Variants in IL6R observed in about 807,000 individuals in gnomAD.
IL6R encodes interleukin 6 receptor.
IL6R carries 38 observed loss-of-function variants against 48.3 expected under a neutral mutation model. The observed-to-expected ratio is 0.79, with a 90% CI of 0.61 to 1.03. The LOEUF is 1.03. Ranked by LOEUF, IL6R falls within the 50% of genes least tolerant of loss-of-function variation. The pLI is 0.00. For synonymous variants in IL6R, 264 were observed against 256.2 expected (o/e 1.03, Z -0.29); for missense variants, 534 against 618.3 (o/e 0.86, Z 1.45).
At chr1:154,433,864 C>T (rs1188226019) in intron 3 of IL6R, among the ~76,000 whole-genome samples, 2 of 152,074 alleles carry the variant, frequency 1.3e-5, no homozygotes, top group South Asian at 4.1e-4. Flanking sequence ...TACAGGCATG[C>T]GCCACCACGC....
intron 1 of IL6R, chr1:154,415,110 C>T: frequency 2.6e-6 from 3 of 1,152,634 alleles, no homozygotes; most frequent in East Asian, 2.5e-5. Flanking sequence ...TTTACGGTTC[C>T]ACTCGCCCTT....
In IL6R at chr1:154,467,330, TATC is replaced by T. The variant is rs1252452889; in HGVS notation, c.*1952_*1954del. 1.3e-5 allele frequency: 2 copies of T among 152,216 alleles called. No individual in the cohort carries two copies. Among genetic ancestry groups the T allele is most frequent in the Admixed American group, 6.5e-5 (1 of 15,280 alleles). 9.4% of individuals were successfully genotyped at this position (152,216 alleles called of 1,614,324 possible). ...GTGGTTACCCAGTTAGCTCTCAAGT[TATC>T]AGGGTATTCCAGAGTGGGGATATGA... On this transcript the variant is annotated 3_prime_UTR_variant, in exon 10 of 10. Coordinates refer to ENST00000368485, the MANE Select transcript of IL6R (RefSeq NM_000565.4).
At chr1:154,438,004 G>A (rs959187093) in intron 6 of IL6R, among the ~76,000 whole-genome samples, 12 of 151,858 alleles carry the variant, frequency 7.9e-5, no homozygotes, top group Admixed American at 4.6e-4. Context: ...GTGAGCCACC[G>A]CGCCTGGCCT....
chr1:154,431,959 C>T (rs1022715407), intron 3 of IL6R, among the ~76,000 whole-genome samples: 1 of 152,044 alleles, frequency 6.6e-6, no homozygotes, highest in Non-Finnish European at 1.5e-5. Context: ...ATTTTTGGAC[C>T]GCAGTTGACC....
At chr1:154,451,827 C>A (rs182319653) in intron 8 of IL6R, among the ~76,000 whole-genome samples, 3 of 152,046 alleles carry the variant, frequency 2.0e-5, no homozygotes, top group Non-Finnish European at 4.4e-5. Flanking sequence ...TGAGCCACCG[C>A]GCCTGGCCAG....
At chr1:154,430,457 T>C in intron 2 of IL6R, 26 bp from the exon 3 acceptor site, 1 of 1,610,488 alleles carries the variant, frequency 6.2e-7, no homozygotes. Flanking sequence ...GCCCGCCTGC[T>C]GACACCTGCA....
In IL6R at chr1:154,405,533, G is replaced by GC; in HGVS notation, c.-94dup. 1.2e-4 allele frequency: 5 copies of GC among 42,450 alleles called. No homozygotes were observed. The highest frequency in any genetic ancestry group is 3.9e-4 in the South Asian group (2 of 5,184). 2.6% of individuals were successfully genotyped at this position (42,450 alleles called of 1,614,324 possible). A position where few individuals can be genotyped will look rare whatever the true frequency, so the allele number is the denominator to read the frequency against. On this transcript the variant is annotated 5_prime_UTR_variant, in exon 1 of 10. Coordinates refer to ENST00000368485, the MANE Select transcript of IL6R (RefSeq NM_000565.4). The surrounding 1 kb of genome is among the most constrained non-coding windows in gnomAD (Gnocchi z 5.2). ...CCCCGGGGCCTGAGCCCGCCTGCCC[G>GC]CCCACCGCCCCGCCCCGCCCCTGCC...
intron 1 of IL6R, among the ~76,000 whole-genome samples, chr1:154,419,102 G>A (rs994350887): frequency 6.6e-6 from 1 of 152,158 alleles, no homozygotes; most frequent in Admixed American, 6.5e-5. Context: ...GTCCAGCGTG[G>A]ATTCCCTCAT....
intron 1 of IL6R, among the ~76,000 whole-genome samples, chr1:154,416,916 C>A (rs916441789): frequency 2.0e-5 from 3 of 152,138 alleles, no homozygotes; most frequent in African/African-American, 7.2e-5. Context: ...CCTGAAATCC[C>A]CCTATGCACA....
chr1:154,430,937 C>A (rs1293495205), intron 3 of IL6R, among the ~76,000 whole-genome samples: 1 of 152,152 alleles, frequency 6.6e-6, no homozygotes, highest in Non-Finnish European at 1.5e-5. Flanking sequence ...TAGTAAGTGG[C>A]TCTGCTGGGA....
At chr1:154,437,479 T>C in intron 6 of IL6R, 1 of 447,090 alleles carries the variant, frequency 2.2e-6, no homozygotes, top group East Asian at 7.0e-5. Context: ...AGCAGTGCAA[T>C]CACAGCTCAC....
At chr1:154,447,563 A>G (rs1244701967) in intron 6 of IL6R, among the ~76,000 whole-genome samples, 1 of 147,588 alleles carries the variant, frequency 6.8e-6, no homozygotes, top group Non-Finnish European at 1.5e-5. Flanking sequence ...ACACATATAT[A>G]TATATACACA....
At position 154,405,674 on chromosome 1, in the gene IL6R, G is replaced by A; in HGVS notation, c.45G>A (p.Ala15=). 2.6e-6 allele frequency: 4 copies of A among 1,529,140 alleles called. No homozygotes were observed. The highest frequency in any genetic ancestry group is 2.5e-5 in the East Asian group (1 of 40,148). 94.7% of individuals were successfully genotyped at this position (1,529,140 alleles called of 1,614,324 possible). ...GCALLAALLA[A]PGAALAPRRC... ...CGCTGCTGGCTGCCCTGCTGGCCGC[G>A]CCGGGAGCGGCGCTGGCCCCAAGGC... Residue 15 remains alanine (A), a synonymous_variant, in exon 1 of 10, where the codon GCG becomes GCA. Coordinates refer to ENST00000368485, the MANE Select transcript of IL6R (RefSeq NM_000565.4). This position sits in a 1 kb window ranked among gnomAD's most constrained non-coding sequence, Gnocchi z 5.2.
At chr1:154,444,069 T>A (rs1690076261) in intron 6 of IL6R, among the ~76,000 whole-genome samples, 1 of 152,126 alleles carries the variant, frequency 6.6e-6, no homozygotes, top group African/African-American at 2.4e-5. Flanking sequence ...CGTGCCCCTC[T>A]CCACGACCCT....
rs777943478 is a variant in IL6R at position 154,436,076 on chromosome 1, G to A, written c.915G>A (p.Glu305=). The change falls in exon 6 of 10, where the codon GAG becomes GAA. Residue 305 remains glutamate, a synonymous_variant. Coordinates refer to ENST00000368485, the MANE Select transcript of IL6R (RefSeq NM_000565.4). Reference sequence around the variant, plus strand: ...AGTTCGGGCAAGGCGAGTGGAGCGAGTGGAGCCCGGAGGCCATGGGCACGC... The same window carrying A: ...AGTTCGGGCAAGGCGAGTGGAGCGAATGGAGCCCGGAGGCCATGGGCACGC... ...QEEFGQGEWS[E]WSPEAMGTPW... is the part of the protein sequence containing the mutation. The A allele has an allele frequency of 1.2e-6, 2 of 1,613,002 alleles. No homozygotes were observed. Among genetic ancestry groups the A allele is most frequent in the Middle Eastern group, 1.6e-4 (1 of 6,062 alleles).
At chr1:154,428,715 G>A (rs893761569) in intron 1 of IL6R, among the ~76,000 whole-genome samples, 1 of 152,206 alleles carries the variant, frequency 6.6e-6, no homozygotes, top group Non-Finnish European at 1.5e-5. Flanking sequence ...CAGAATGAGG[G>A]CCTAGTGGAG....
chr1:154,433,183 T>A (rs912301088), intron 3 of IL6R, among the ~76,000 whole-genome samples: 9 of 152,284 alleles, frequency 5.9e-5, no homozygotes, highest in African/African-American at 1.9e-4. Context: ...TAACTCAGCC[T>A]GGAAAGGTTG....
At chr1:154,464,730 G>C (rs537619337) in intron 9 of IL6R, among the ~76,000 whole-genome samples, 15 of 152,104 alleles carry the variant, frequency 9.9e-5, no homozygotes, top group African/African-American at 3.6e-4. Flanking sequence ...AGGCCGAGGC[G>C]GGCGGATTGC....
chr1:154,436,733 C>T (rs927258205), intron 6 of IL6R, among the ~76,000 whole-genome samples: 2 of 152,218 alleles, frequency 1.3e-5, no homozygotes, highest in African/African-American at 4.8e-5. Context: ...GTGGGGATCC[C>T]ACCACAGCTG....
Sources: allele counts gnomAD v4.1 joint callset (sites outside exome capture counted in the v4.1 genomes callset), GRCh38; gene constraint gnomAD v4.1.1; non-coding constraint Gnocchi (gnomAD v3.1); transcripts MANE v1.5; gene names NCBI Gene and HGNC (gene_info 2026-07-23, HGNC 2026-07-21).